CCS: variants seen among roughly 807,000 people sequenced by gnomAD.
The protein encoded by CCS is superoxide dismutase copper chaperone.
Under a neutral mutation model 35.5 loss-of-function variants are expected in CCS, and 32 were observed. The observed-to-expected ratio is 0.90, with a 90% CI of 0.68 to 1.21. The LOEUF (loss-of-function observed/expected upper bound fraction) is 1.21, where lower values mean the gene tolerates loss of function less well. Among genes scored for constraint, CCS ranks in the 50% most tolerant of loss-of-function variants. CCS has a pLI of 0.00. For synonymous variants in CCS, 130 were observed against 147.2 expected (o/e 0.88, Z 0.84); for missense variants, 342 against 375.4 (o/e 0.91, Z 0.73).
At chr11:66,604,430 G>A (rs567452949) in intron 5 of CCS, among the ~76,000 whole-genome samples, 5 of 152,202 alleles carry the variant, frequency 3.3e-5, no homozygotes, top group Admixed American at 1.3e-4. Context: ...ACAGTGAGAT[G>A]CCTGGTTACT....
chr11:66,605,503 T>C lies in CCS; in HGVS notation c.582T>C (p.Ile194=), dbSNP rs766821533. The part of the protein sequence containing the change: ...EDEQLKVWDV[I]GRSLIIDEGE... ...TCCCCTCAAAGGTGTGGGATGTGATTGGCCGCAGCCTGATTATTGATGAGG... is the reference window on the plus strand; with the variant it reads ...TCCCCTCAAAGGTGTGGGATGTGATCGGCCGCAGCCTGATTATTGATGAGG... The change falls in exon 7 of 8, where the codon ATT becomes ATC. Residue 194 remains isoleucine (I), a synonymous_variant. Transcript: ENST00000533244. 3.1e-6 allele frequency: 5 copies of C among 1,613,910 alleles called. No homozygotes were observed. Among genetic ancestry groups the C allele is most frequent in the Non-Finnish European group, 4.2e-6 (5 of 1,179,952 alleles).
At position 66,605,917 on chromosome 11, in the gene CCS, G is replaced by C; in HGVS notation, c.*62G>C. On this transcript the variant is annotated 3_prime_UTR_variant, in exon 8 of 8. Transcript: ENST00000533244. ...GGCGAGCACTTTCCACTTCCAGAGG[G>C]GGCCAGAGGGACTTTGCCTGCCCAG... The C allele has an allele frequency of 1.4e-6, 2 of 1,436,048 alleles. No homozygotes were observed. The highest frequency in any genetic ancestry group is 1.8e-6 in the Non-Finnish European group (2 of 1,094,400). 89.0% of individuals were successfully genotyped at this position (1,436,048 alleles called of 1,614,324 possible).
At chr11:66,602,796 G>A (rs1858591576) in intron 5 of CCS, among the ~76,000 whole-genome samples, 1 of 152,246 alleles carries the variant, frequency 6.6e-6, no homozygotes, top group African/African-American at 2.4e-5. Flanking sequence ...ATCAGCAGCT[G>A]TACCTCACCC....
Position 66,599,990 on chromosome 11 carries a change from T to C in CCS, c.428+354T>C, listed in dbSNP as rs1858546816. The C allele has an allele frequency of 2.2e-5, 5 of 226,734 alleles. No homozygotes were observed. The South Asian group carries it at 2.7e-4, about 12-fold the overall frequency. 14.0% of individuals were successfully genotyped at this position (226,734 alleles called of 1,614,324 possible). A position where few individuals can be genotyped will look rare whatever the true frequency, so the allele number is the denominator to read the frequency against. ...AAAAAATTAGCCAGGTGCAGTGGCA[T>C]GTGCCCATAATCCCAGCTACTAGGG... On this transcript the variant is annotated intron_variant, in intron 4 of 7. Coordinates refer to ENST00000533244, the MANE Select transcript of CCS (RefSeq NM_005125.2).
At chr11:66,602,035 C>T (rs560189031) in intron 5 of CCS, among the ~76,000 whole-genome samples, 2 of 152,222 alleles carry the variant, frequency 1.3e-5, no homozygotes, top group African/African-American at 2.4e-5. Context: ...TGCCCAACCA[C>T]CCTGTCACAT....
At chr11:66,594,214 C>A (rs1030912001) in intron 2 of CCS, among the ~76,000 whole-genome samples, 1 of 152,046 alleles carries the variant, frequency 6.6e-6, no homozygotes, top group East Asian at 1.9e-4. Context: ...AAAAAATTAG[C>A]CGGGCGTGGT....
At chr11:66,597,719 T>G (rs1394931073) in intron 2 of CCS, among the ~76,000 whole-genome samples, 1 of 150,408 alleles carries the variant, frequency 6.6e-6, no homozygotes, top group Non-Finnish European at 1.5e-5. Flanking sequence ...GCCACTGCAC[T>G]CCAGCCTGGG....
chr11:66,599,292 G>C (rs374281320), intron 3 of CCS, 39 bp downstream of exon 3: 96 of 1,552,482 alleles, frequency 6.2e-5, no homozygotes, highest in Non-Finnish European at 8.2e-5. Flanking sequence ...CTCGGAGGGA[G>C]GTGGCTCAGA....
At chr11:66,601,552 C>T (rs1213011785) in intron 5 of CCS, among the ~76,000 whole-genome samples, 1 of 151,760 alleles carries the variant, frequency 6.6e-6, no homozygotes, top group African/African-American at 2.4e-5. Context: ...TTTCCTTTTC[C>T]TTTCTCCCCT....
At chr11:66,602,151 G>A (rs542527967) in intron 5 of CCS, among the ~76,000 whole-genome samples, 1 of 152,206 alleles carries the variant, frequency 6.6e-6, no homozygotes, top group Non-Finnish European at 1.5e-5. Context: ...TTAGTAATCT[G>A]CTGCTGCAAA....
intron 3 of CCS, 89 bp downstream of exon 3, chr11:66,599,342 T>C: frequency 6.7e-7 from 1 of 1,502,278 alleles, no homozygotes; most frequent in Non-Finnish European, 8.9e-7. Flanking sequence ...AGGCTCTGGG[T>C]TGGAGTGGCT....
intron 5 of CCS, among the ~76,000 whole-genome samples, chr11:66,602,288 GC>G (rs1275524949): frequency 6.6e-6 from 1 of 152,172 alleles, no homozygotes; most frequent in African/African-American, 2.4e-5. Context: ...TCATCTCAGG[GC>G]CCCACGTGGG....
intron 5 of CCS, among the ~76,000 whole-genome samples, chr11:66,603,279 G>A (rs1446351707): frequency 1.1e-4 from 16 of 152,234 alleles, no homozygotes. Context: ...CCCCTGCCTT[G>A]AGGCCGCTCC....
At chr11:66,599,750 C>T in intron 4 of CCS, 114 bp downstream of exon 4, 1 of 1,005,380 alleles carries the variant, frequency 9.9e-7, no homozygotes, top group Non-Finnish European at 1.5e-6. Flanking sequence ...GATGAGGAAA[C>T]TGAGGCTCAC....
At chr11:66,597,621 G>A (rs879878204) in intron 2 of CCS, among the ~76,000 whole-genome samples, 10 of 150,966 alleles carry the variant, frequency 6.6e-5, no homozygotes, top group South Asian at 4.2e-4. Flanking sequence ...GCTTGGTGGC[G>A]GGCGCCTGTA....
chr11:66,605,326 G>A lies in CCS; in HGVS notation c.490-13G>A. ...GCACACATCCCCTATACACACACTG[G>A]ATCTCATTCCAGCACCGCGGAGACC... On this transcript the variant is annotated splice_polypyrimidine_tract_variant and intron_variant, in intron 5 of 7. Coordinates refer to ENST00000533244, the MANE Select transcript of CCS (RefSeq NM_005125.2). 6.2e-7 allele frequency: 1 copy of A among 1,614,044 alleles called. No individual in the cohort carries two copies. The highest frequency in any genetic ancestry group is 8.5e-7 in the Non-Finnish European group (1 of 1,179,986).
chr11:66,600,556 G>T lies in CCS; in HGVS notation c.489+7G>T. The T allele has an allele frequency of 6.7e-7, 1 of 1,500,842 alleles. No homozygotes were observed. Among genetic ancestry groups the T allele is most frequent in the Non-Finnish European group, 9.0e-7 (1 of 1,114,840 alleles). 93.0% of individuals were successfully genotyped at this position (1,500,842 alleles called of 1,614,324 possible). ...CCCCCAGGACTCTGACCGGGTAAGT[G>T]TCTGTCTGGGTTTGGGCTTGGGCTG... On this transcript the variant is annotated splice_region_variant and intron_variant, in intron 5 of 7. Coordinates refer to ENST00000533244, the MANE Select transcript of CCS (RefSeq NM_005125.2).
chr11:66,599,005 A>G, intron 2 of CCS, 111 bp from the exon 3 acceptor site: 6 of 1,350,868 alleles, frequency 4.4e-6, no homozygotes, highest in East Asian at 4.6e-5. Flanking sequence ...GCCTCTGACC[A>G]TGGGAAGTTT....
chr11:66,599,216 G>T lies in CCS; in HGVS notation c.213G>T (p.Arg71=). ...EVQALLEGTG[R]QAVLKGMGSG... ...AGGCTCTCCTGGAAGGCACGGGGCG[G>T]CAGGCGGTACTCAAGGGCATGGGCA... The change falls in exon 3 of 8, where the codon CGG becomes CGT. Residue 71 remains arginine, a synonymous_variant. Transcript: ENST00000533244. 4 of 1,612,652 alleles carry T rather than the reference G, an allele frequency of 2.5e-6. No homozygotes were observed. Among genetic ancestry groups the T allele is most frequent in the Non-Finnish European group, 3.4e-6 (4 of 1,179,426 alleles).
Sources: allele counts gnomAD v4.1 joint callset (sites outside exome capture counted in the v4.1 genomes callset), GRCh38; gene constraint gnomAD v4.1.1; transcripts MANE v1.5; gene names NCBI Gene and HGNC (gene_info 2026-07-23, HGNC 2026-07-21).